The following TENM1 variants were observed in gnomAD, a reference collection of about 807,000 sequenced individuals.
The protein encoded by TENM1 is teneurin-1.
In TENM1, 35 loss-of-function variants were observed where a neutral mutation model predicts 174.8. That is an observed-to-expected ratio of 0.20 (90% CI 0.15 to 0.27). TENM1 has a LOEUF of 0.27. Among genes scored for constraint, TENM1 ranks in the 10% least tolerant of loss-of-function variants. The pLI is 1.00. For synonymous variants in TENM1, 781 were observed against 798.7 expected (o/e 0.98, Z 0.37); for missense variants, 1,633 against 2,130.1 (o/e 0.77, Z 4.59).
At chrX:124,922,846 A>G (rs375338762) in intron 1 of TENM1, among the ~76,000 whole-genome samples, 4 of 110,913 alleles carry the variant, frequency 3.6e-5, no homozygotes, top group African/African-American at 1.3e-4. Flanking sequence ...TTTCCTGTTT[A>G]CCTTTTCTGG....
At chrX:124,381,218 G>C in exon 32 of TENM1, 1 of 1,205,966 alleles carries the variant, frequency 8.3e-7, no homozygotes, top group Non-Finnish European at 1.1e-6. Flanking sequence ...ATTGTATCGG[G>C]GAGTCATAGG....
At chrX:124,636,018 A>G (rs1270757856) in intron 11 of TENM1, among the ~76,000 whole-genome samples, 1 of 112,235 alleles carries the variant, frequency 8.9e-6, no homozygotes, top group Non-Finnish European at 1.9e-5. Context: ...ACAATACTCA[A>G]TGTACCTAGA....
intron 1 of TENM1, among the ~76,000 whole-genome samples, chrX:124,903,565 C>T (rs1194575294): frequency 8.9e-6 from 1 of 112,265 alleles, no homozygotes; most frequent in Non-Finnish European, 1.9e-5. Flanking sequence ...CAAATGCTAA[C>T]TATTTCCTTA....
intron 6 of TENM1, among the ~76,000 whole-genome samples, chrX:124,660,748 T>C (rs2051579765): frequency 8.9e-6 from 1 of 112,124 alleles, no homozygotes; most frequent in Admixed American, 9.4e-5. Flanking sequence ...GGAGAACTGG[T>C]ATTCTCATAC....
Position 124,422,216 on chromosome X carries a change from C to T in TENM1, c.4471+56G>A, listed in dbSNP as rs773671757. ...TTTTCCTTTTGACTTTACTGGGGCACGTTTTTCTTTTCAAAACAGAGAGGG... is the reference window on the plus strand; with the variant it reads ...TTTTCCTTTTGACTTTACTGGGGCATGTTTTTCTTTTCAAAACAGAGAGGG... On this transcript the variant is annotated intron_variant, in intron 24 of 31. Transcript: ENST00000422452. 3.0e-5 allele frequency: 35 copies of T among 1,156,237 alleles called. No individual in the cohort carries two copies. In the South Asian group the frequency reaches 3.9e-4, roughly 13 times the overall value.
the TENM1 span, among the ~76,000 whole-genome samples, chrX:125,046,546 G>A: frequency 8.9e-6 from 1 of 112,111 alleles, no homozygotes; most frequent in South Asian, 3.7e-4. Context: ...CCTCAAATGG[G>A]CCAATGATGT....
At chrX:124,767,465 T>C in intron 3 of TENM1, among the ~76,000 whole-genome samples, 1 of 111,789 alleles carries the variant, frequency 8.9e-6, no homozygotes, top group Non-Finnish European at 1.9e-5. Flanking sequence ...ATAGTATTAA[T>C]ATTTACCTTG....
intron 5 of TENM1, among the ~76,000 whole-genome samples, chrX:124,697,659 G>A (rs1036337857): frequency 1.1e-4 from 12 of 111,043 alleles, no homozygotes; most frequent in Non-Finnish European, 1.9e-4. Context: ...TAATTTTTAA[G>A]TATTTATTAA....
the TENM1 span, among the ~76,000 whole-genome samples, chrX:125,182,293 A>T: frequency 9.1e-6 from 1 of 109,868 alleles, no homozygotes; most frequent in Non-Finnish European, 1.9e-5. Context: ...TTGTAGTTAC[A>T]TTGGGCCCAC....
chrX:124,410,777 T>C (rs982510785), intron 25 of TENM1, among the ~76,000 whole-genome samples: 1 of 112,341 alleles, frequency 8.9e-6, no homozygotes, highest in Non-Finnish European at 1.9e-5. Context: ...ATGTTCATCA[T>C]CACTGGCCTT....
intron 11 of TENM1, among the ~76,000 whole-genome samples, chrX:124,583,493 A>G (rs1261208097): frequency 9.0e-6 from 1 of 111,578 alleles, no homozygotes. Context: ...TTAGAAGGAA[A>G]ACTAACAACC....
the TENM1 span, among the ~76,000 whole-genome samples, chrX:125,021,957 T>C: frequency 8.9e-6 from 1 of 112,601 alleles, no homozygotes; most frequent in African/African-American, 3.2e-5. Flanking sequence ...TTATTATCCC[T>C]TTTTCCCTCT....
At chrX:125,038,488 C>A in the TENM1 span, among the ~76,000 whole-genome samples, 1 of 111,231 alleles carries the variant, frequency 9.0e-6, no homozygotes, top group Non-Finnish European at 1.9e-5. Context: ...CTTTATAAAA[C>A]CACCTTATTG....
chrX:125,044,465 C>T, the TENM1 span, among the ~76,000 whole-genome samples: 1 of 109,969 alleles, frequency 9.1e-6, no homozygotes, highest in African/African-American at 3.3e-5. Flanking sequence ...TGGCACACAC[C>T]TGTTGCTCTA....
chrX:124,399,007 A>G (rs1253365929), intron 27 of TENM1, among the ~76,000 whole-genome samples: 1 of 112,612 alleles, frequency 8.9e-6, no homozygotes, highest in Admixed American at 9.4e-5. Context: ...GTAATTTACA[A>G]TCACATACAA....
At chrX:125,203,248 GCATATTCTCTGCGGAGA>G in the TENM1 span, among the ~76,000 whole-genome samples, 112 of 112,867 alleles carry the variant, frequency 9.9e-4, 1 homozygote, top group African/African-American at 3.3e-3. Flanking sequence ...TAGCCCTTGG[GCATATTCTCTGCGGAGA>G]CAGCAGGACC....
intron 1 of TENM1, among the ~76,000 whole-genome samples, chrX:124,945,579 C>T (rs1444870694): frequency 1.8e-5 from 2 of 110,871 alleles, no homozygotes; most frequent in Non-Finnish European, 3.8e-5. Context: ...ATTTTGAAGA[C>T]AGAGATGACA....
chrX:124,903,471 A>C (rs979887289), intron 1 of TENM1, among the ~76,000 whole-genome samples: 1 of 112,322 alleles, frequency 8.9e-6, no homozygotes, highest in Non-Finnish European at 1.9e-5. Context: ...GAAGAAATCA[A>C]AACAACTCCA....
the TENM1 span, among the ~76,000 whole-genome samples, chrX:125,153,617 G>A: frequency 8.9e-6 from 1 of 112,018 alleles, no homozygotes; most frequent in Admixed American, 9.5e-5. Flanking sequence ...GCATAAAACT[G>A]GGATTTTCAG....
Sources: allele counts gnomAD v4.1 joint callset (sites outside exome capture counted in the v4.1 genomes callset), GRCh38; gene constraint gnomAD v4.1.1; transcripts MANE v1.5; gene names NCBI Gene and HGNC (gene_info 2026-07-23, HGNC 2026-07-21).